Variants in CAPN12 observed in about 807,000 individuals in gnomAD.
The protein encoded by CAPN12 is calpain-12.
In CAPN12, 107 loss-of-function variants were observed where a neutral mutation model predicts 95.0. The observed-to-expected ratio is 1.13, with a 90% CI of 0.96 to 1.32. The LOEUF (loss-of-function observed/expected upper bound fraction) is 1.32, where lower values mean the gene tolerates loss of function less well. Ranked by LOEUF, CAPN12 falls within the 40% of genes most tolerant of loss-of-function variation. The probability of loss-of-function intolerance (pLI) is 0.00; values close to 1 mark genes in which losing one functional copy is unlikely to be tolerated. For synonymous variants in CAPN12, 505 were observed against 415.5 expected (o/e 1.22, Z -2.62); for missense variants, 1,136 against 997.8 (o/e 1.14, Z -1.87).
At chr19:38,735,930 G>T (rs1369092624) in intron 12 of CAPN12, among the ~76,000 whole-genome samples, 180 bp downstream of exon 12, 1 of 5,060 alleles carries the variant, frequency 2.0e-4, no homozygotes, top group Non-Finnish European at 7.0e-4. Context: ...GGCGGGGCGG[G>T]GGTTCTGGGG....
intron 5 of CAPN12, chr19:38,739,710 CTT>C (rs58154433): frequency 7.6e-3 from 1,158 of 151,422 alleles, no homozygotes; most frequent in Middle Eastern, 0.02. Context: ...GAAAGAGGCA[CTT>C]TTTTTTTTTT....
chr19:38,743,502 A>G lies in CAPN12; in HGVS notation c.238-400T>C, dbSNP rs112789969. 4.4e-5 allele frequency among the ~76,000 whole-genome samples: 4 copies of G among 90,302 alleles called. 1 individual carries two copies. Among genetic ancestry groups the G allele is most frequent in the Admixed American group, 3.7e-4 (3 of 8,138 alleles). 59.2% of individuals were successfully genotyped at this position (90,302 alleles called of 152,430 possible). A position where few individuals can be genotyped will look rare whatever the true frequency, so the allele number is the denominator to read the frequency against. On this transcript the variant is annotated intron_variant, in intron 1 of 20. Coordinates refer to ENST00000328867, the MANE Select transcript of CAPN12 (RefSeq NM_144691.4). Reference sequence around the variant, plus strand: ...CCGAGCCCCTCCTCCCTCAGACCCAAGAATCCAGGTCCCCAGCCCCTCCTC... The same window carrying G: ...CCGAGCCCCTCCTCCCTCAGACCCAGGAATCCAGGTCCCCAGCCCCTCCTC...
At chr19:38,739,820 C>G (rs1310257440) in intron 5 of CAPN12, 1 of 432,458 alleles carries the variant, frequency 2.3e-6, no homozygotes, top group Non-Finnish European at 4.0e-6. Flanking sequence ...GACACTAACA[C>G]AGAATGAGAA....
chr19:38,734,274 C>A (rs781374442), intron 16 of CAPN12, 45 bp downstream of exon 16: 6 of 1,603,672 alleles, frequency 3.7e-6, no homozygotes, highest in Non-Finnish European at 5.1e-6. Context: ...CCCCAACGTC[C>A]CCTTCCCCAC....
intron 2 of CAPN12, 52 bp from the exon 3 acceptor site, chr19:38,742,580 C>T (rs1216321655): frequency 1.9e-5 from 25 of 1,327,986 alleles, no homozygotes; most frequent in Admixed American, 4.3e-5. Context: ...AGGCCTGGTG[C>T]GGTGGCTCAT....
chr19:38,734,297 C>T (rs1295914364), intron 16 of CAPN12, 22 bp downstream of exon 16: 2 of 1,604,010 alleles, frequency 1.2e-6, no homozygotes, highest in East Asian at 4.5e-5. Context: ...CCTCCCTCAC[C>T]CAGGCACTGC....
In CAPN12 at chr19:38,735,437, ATGGCGGAAGTTTAGCGC is replaced by A; in HGVS notation, c.1627-25_1627-9del. 6.2e-7 allele frequency: 1 copy of A among 1,610,830 alleles called. No homozygotes were observed. The highest frequency in any genetic ancestry group is 8.5e-7 in the Non-Finnish European group (1 of 1,178,996). On this transcript the variant is annotated splice_polypyrimidine_tract_variant and intron_variant, in intron 13 of 20. Coordinates refer to ENST00000328867, the MANE Select transcript of CAPN12 (RefSeq NM_144691.4). ...CAGGGGCAGGTAGGGGCCCTGCCGC[ATGGCGGAAGTTTAGCGC>A]TGGCCAAGATCCCCGCCCCATGCCG...
At position 38,739,908 on chromosome 19, in the gene CAPN12, T is replaced by C. The variant is rs1288931632; in HGVS notation, c.729+143A>G. 50 of 837,190 alleles carry C rather than the reference T, an allele frequency of 6.0e-5. No individual in the cohort carries two copies. The South Asian group carries it at 1.3e-3, about 21-fold the overall frequency. 51.9% of individuals were successfully genotyped at this position (837,190 alleles called of 1,614,324 possible). ...CCTGATTCATGAGAGCAAATGAATT[T>C]ATTTTTGACTAGTTAGATTTATGAG... On this transcript the variant is annotated intron_variant, in intron 5 of 20. Transcript: ENST00000328867.
chr19:38,735,156 G>A (rs1969928713), intron 14 of CAPN12: 5 of 604,902 alleles, frequency 8.3e-6, no homozygotes, highest in Non-Finnish European at 1.2e-5. Flanking sequence ...GGTGTCAGGA[G>A]GGAGAGGGTG....
chr19:38,739,227 G>T (rs538792129), intron 5 of CAPN12: 1 of 157,662 alleles, frequency 6.3e-6, no homozygotes, highest in African/African-American at 2.4e-5. Flanking sequence ...GAGGCGGGCA[G>T]ATCACAAGGT....
chr19:38,736,665 C>T lies in CAPN12; in HGVS notation c.1363-102G>A, dbSNP rs1970195587. On this transcript the variant is annotated intron_variant, in intron 10 of 20. Transcript: ENST00000328867. ...TCACCTCTGTGCTCTCTCCCTCCTT[C>T]TTCGTCCTATTAGACCCTTATTGAA... 8.3e-6 allele frequency: 11 copies of T among 1,317,798 alleles called. 1 individual carries two copies. Among genetic ancestry groups the T allele is most frequent in the Non-Finnish European group, 1.1e-5 (11 of 978,636 alleles). The allele number at this position is 1,317,798 out of a possible 1,614,324, so 81.6% of individuals were successfully genotyped here. A position where few individuals can be genotyped will look rare whatever the true frequency, so the allele number is the denominator to read the frequency against.
intron 18 of CAPN12, among the ~76,000 whole-genome samples, chr19:38,732,638 G>T (rs1325593802): frequency 6.6e-6 from 1 of 152,182 alleles, no homozygotes; most frequent in East Asian, 1.9e-4. Flanking sequence ...ACCACGCCCG[G>T]CTGGCTCTTT....
intron 17 of CAPN12, 97 bp downstream of exon 17, chr19:38,734,045 C>A: frequency 7.4e-7 from 1 of 1,359,916 alleles, no homozygotes; most frequent in East Asian, 2.4e-5. Flanking sequence ...TCCAGTACCC[C>A]CTCGTTCCCT....
intron 2 of CAPN12, among the ~76,000 whole-genome samples, 163 bp downstream of exon 2, chr19:38,742,870 A>AAAGG (rs1568328035): frequency 6.7e-6 from 1 of 148,776 alleles, no homozygotes; most frequent in African/African-American, 2.5e-5. Flanking sequence ...AAAAAAAAAA[A>AAAGG]AAGGAAGGAA....
chr19:38,739,957 C>T (rs1970448896), intron 5 of CAPN12, 94 bp downstream of exon 5: 1 of 1,284,800 alleles, frequency 7.8e-7, no homozygotes, highest in South Asian at 1.7e-5. Flanking sequence ...GTAACGGAAG[C>T]AGAGAACAGA....
chr19:38,731,866 T>C (rs1969642816), intron 18 of CAPN12, among the ~76,000 whole-genome samples: 2 of 152,244 alleles, frequency 1.3e-5, no homozygotes, highest in Non-Finnish European at 2.9e-5. Flanking sequence ...AAGTGCCATT[T>C]CATGCTGTGC....
rs373082272 is a variant in CAPN12 at position 38,734,887 on chromosome 19, G to T, written c.1687-17C>A. 1.2e-6 allele frequency: 2 copies of T among 1,611,830 alleles called. No homozygotes were observed. Among genetic ancestry groups the T allele is most frequent in the Admixed American group, 3.3e-5 (2 of 59,942 alleles). The stretch of plus-strand genomic sequence containing the variant: ...TTCTTCCTCCTAGTCCAGGAAAGAG[G>T]GCTTGTGAGGCCATTTACTCATCCA... On this transcript the variant is annotated splice_polypyrimidine_tract_variant and intron_variant, in intron 14 of 20. Transcript: ENST00000328867.
chr19:38,740,576 G>A (rs1226225167), intron 4 of CAPN12, among the ~76,000 whole-genome samples: 5 of 152,148 alleles, frequency 3.3e-5, no homozygotes, highest in Non-Finnish European at 7.3e-5. Flanking sequence ...GAGGCAAGTG[G>A]ATCACCTGAG....
At chr19:38,741,605 A>C (rs1287285431) in intron 4 of CAPN12, among the ~76,000 whole-genome samples, 172 bp downstream of exon 4, 1 of 150,096 alleles carries the variant, frequency 6.7e-6, no homozygotes, top group Non-Finnish European at 1.5e-5. Context: ...AAAAAACATG[A>C]AGTTGCTCAG....
Sources: gnomAD v4.1 joint callset for allele counts (sites outside exome capture counted in the v4.1 genomes callset) on GRCh38, gnomAD v4.1.1 for gene constraint, MANE v1.5 for transcripts, NCBI Gene and HGNC (gene_info 2026-07-23, HGNC 2026-07-21) for gene names.